Variants in CACNB3 observed in about 807,000 individuals in gnomAD.
The protein encoded by CACNB3 is calcium voltage-gated channel auxiliary subunit beta 3.
A neutral mutation model predicts 63.7 loss-of-function variants in CACNB3; 36 were observed. The ratio of observed to expected loss-of-function variants is 0.57; its 90% confidence interval spans 0.43 to 0.75. CACNB3 has a LOEUF of 0.75. Ranked by LOEUF, CACNB3 falls within the 30% of genes least tolerant of loss-of-function variation. The pLI is 0.00. For missense variants in CACNB3, 493 were observed against 648.6 expected, an observed-to-expected ratio of 0.76 and a Z score of 2.61; for synonymous variants, 241 against 250.6, an observed-to-expected ratio of 0.96 and a Z score of 0.36.
chr12:48,826,713 CAG>C lies in CACNB3; in HGVS notation c.895-43_895-42del, dbSNP rs763104626. The C allele has an allele frequency of 5.2e-6, 8 of 1,528,604 alleles. No homozygotes were observed. The Admixed American group carries it at 1.0e-4, about 19-fold the overall frequency. The allele number at this position is 1,528,604 out of a possible 1,614,324, so 94.7% of individuals were successfully genotyped here. A position where few individuals can be genotyped will look rare whatever the true frequency, so the allele number is the denominator to read the frequency against. ...AGCTCTGCCCGGGCTCAGCTCTGCC[CAG>C]AGTCCTGAGAGACTCCAGGCCTAGC... On this transcript the variant is annotated intron_variant, in intron 10 of 12. Coordinates refer to ENST00000301050, the MANE Select transcript of CACNB3 (RefSeq NM_000725.4). The surrounding 1 kb of genome is among the most constrained non-coding windows in gnomAD (Gnocchi z 4.8).
At chr12:48,827,196 T>A in intron 12 of CACNB3, 73 bp downstream of exon 12, 1 of 1,550,022 alleles carries the variant, frequency 6.5e-7, no homozygotes, top group East Asian at 2.2e-5. Context: ...CCCAGAGGAC[T>A]GTCCTTGGCC....
Position 48,824,804 on chromosome 12 carries a change from C to T in CACNB3, c.472+71C>T, listed in dbSNP as rs1380569673. The T allele has an allele frequency of 1.9e-6, 3 of 1,554,152 alleles. No homozygotes were observed. The South Asian group carries it at 3.3e-5, about 17-fold the overall frequency. ...GACACAGGGAAAGAGGGGATCCTGCCCAAGTGAACTGTGTGGGAAGGGTTT... is the reference window on the plus strand; with the variant it reads ...GACACAGGGAAAGAGGGGATCCTGCTCAAGTGAACTGTGTGGGAAGGGTTT... On this transcript the variant is annotated intron_variant, in intron 5 of 12. Transcript: ENST00000301050.
At position 48,818,985 on chromosome 12, in the gene CACNB3, A is replaced by C; in HGVS notation, c.45+11A>C. 6.2e-7 allele frequency: 1 copy of C among 1,600,088 alleles called. No homozygotes were observed. The highest frequency in any genetic ancestry group is 2.3e-5 in the East Asian group (1 of 44,026). On this transcript the variant is annotated intron_variant, in intron 1 of 12. Transcript: ENST00000301050. The surrounding 1 kb of genome is among the most constrained non-coding windows in gnomAD (Gnocchi z 4.3). ...GAGGACTCGGAGGCGGTGAGTGCCC[A>C]CGATGAGGGTGGGGGCGGGGAAGTT...
At position 48,818,826 on chromosome 12, in the gene CACNB3, G is replaced by T. The variant is rs915856526; in HGVS notation, c.-104G>T. 11 of 1,396,036 alleles carry T rather than the reference G, an allele frequency of 7.9e-6. No homozygotes were observed. The highest frequency in any genetic ancestry group is 3.1e-5 in the African/African-American group (2 of 65,032). The allele number at this position is 1,396,036 out of a possible 1,614,324, so 86.5% of individuals were successfully genotyped here. On this transcript the variant is annotated 5_prime_UTR_variant, in exon 1 of 13. Coordinates refer to ENST00000301050, the MANE Select transcript of CACNB3 (RefSeq NM_000725.4). The surrounding 1 kb of genome is among the most constrained non-coding windows in gnomAD (Gnocchi z 4.3). ...GCTCCCTGCCGCCGCCCGCAGGGCT[G>T]CGGGGCTCGGTGGCATCTCCCGGGC... is the stretch of plus-strand genomic sequence containing the variant.
In CACNB3 at chr12:48,818,796, C is replaced by T. The variant is rs1478867164; in HGVS notation, c.-134C>T. ...CGCGGCTCGCTCCCTCCTTCGCGCT[C>T]TCTCGCTCCCTGCCGCCGCCCGCAG... On this transcript the variant is annotated 5_prime_UTR_variant, in exon 1 of 13. Transcript: ENST00000301050. This position sits in a 1 kb window ranked among gnomAD's most constrained non-coding sequence, Gnocchi z 4.3. 6 of 1,364,528 alleles carry T rather than the reference C, an allele frequency of 4.4e-6. No homozygotes were observed. The highest frequency in any genetic ancestry group is 3.1e-5 in the East Asian group (1 of 32,252). The allele number at this position is 1,364,528 out of a possible 1,614,324, so 84.5% of individuals were successfully genotyped here.
chr12:48,824,563 T>C (rs1288247303), intron 4 of CACNB3, 106 bp from the exon 5 acceptor site: 1 of 1,208,698 alleles, frequency 8.3e-7, no homozygotes, highest in African/African-American at 1.5e-5. Flanking sequence ...CCTGTCTCAC[T>C]AGATAAAGCA....
chr12:48,815,283 T>G, upstream of CACNB3: 1 of 262,090 alleles, frequency 3.8e-6, no homozygotes, highest in Non-Finnish European at 7.6e-6. Flanking sequence ...AACTCCAGAG[T>G]CCCTACTCTT....
upstream of CACNB3, chr12:48,815,579 G>A: frequency 6.6e-7 from 1 of 1,524,682 alleles, no homozygotes. Flanking sequence ...CGGGCGTGGG[G>A]CGAGGCCAGG....
In CACNB3 at chr12:48,823,002, C is replaced by A. The variant is rs186253124; in HGVS notation, c.46-342C>A. Among the ~76,000 whole-genome samples, 1 of 152,192 alleles carries A rather than the reference C, an allele frequency of 6.6e-6. No individual in the cohort carries two copies. Among genetic ancestry groups the A allele is most frequent in the Non-Finnish European group, 1.5e-5 (1 of 68,036 alleles). ...CCTGGATCCAGAATCATCTCTAATA[C>A]ATCATCTTCAGCACACCTCCCTTCC... On this transcript the variant is annotated intron_variant, in intron 1 of 12. Coordinates refer to ENST00000301050, the MANE Select transcript of CACNB3 (RefSeq NM_000725.4). This position sits in a 1 kb window ranked among gnomAD's most constrained non-coding sequence, Gnocchi z 4.2.
chr12:48,818,426 T>A (rs1005939248), upstream of CACNB3: 4 of 986,042 alleles, frequency 4.1e-6, no homozygotes, highest in Non-Finnish European at 4.8e-6. The surrounding 1 kb of genome is among the most constrained non-coding windows in gnomAD (Gnocchi z 4.3). Context: ...TTGCCGAGCG[T>A]CTCTGTCTCC....
Position 48,827,865 on chromosome 12 carries a change from A to G in CACNB3, c.1421A>G (p.Gln474Arg), listed in dbSNP as rs752695901. The G allele has an allele frequency of 4.0e-5, 65 of 1,613,880 alleles. No homozygotes were observed. The highest frequency in any genetic ancestry group is 5.3e-5 in the Non-Finnish European group (63 of 1,179,964). Residue 474 changes from glutamine (Q) to arginine (R), a missense_variant, in exon 13 of 13, where the codon CAG (glutamine) becomes CGG (arginine). Gln to Arg is a conservative substitution (Grantham distance 43). Transcript: ENST00000301050. ...CACAACCACAGTGACCGGAACTGGCAGCGCAACCGGCCTTGGCCCAAGGAT... is the reference window on the plus strand; with the variant it reads ...CACAACCACAGTGACCGGAACTGGCGGCGCAACCGGCCTTGGCCCAAGGAT... ...SEHNHSDRNW[Q>R]RNRPWPKDSY is the part of the protein sequence containing the mutation.
intron 1 of CACNB3, among the ~76,000 whole-genome samples, chr12:48,819,443 G>T (rs183459186): frequency 6.6e-6 from 1 of 152,314 alleles, no homozygotes; most frequent in African/African-American, 2.4e-5. Context: ...GGACATCAGG[G>T]AGCCAGGGGC....
Position 48,827,853 on chromosome 12 carries a change from A to G in CACNB3, c.1409A>G (p.Asp470Gly). The G allele has an allele frequency of 6.2e-7, 1 of 1,614,106 alleles. No individual in the cohort carries two copies. ...CAGGACTCAGAGCACAACCACAGTG[A>G]CCGGAACTGGCAGCGCAACCGGCCT... The part of the protein sequence containing the change: ...LAQDSEHNHS[D>G]RNWQRNRPWP... The change falls in exon 13 of 13, where the codon GAC becomes GGC. Residue 470 changes from aspartate (D) to glycine (G), a missense_variant. Coordinates refer to ENST00000301050, the MANE Select transcript of CACNB3 (RefSeq NM_000725.4).
In CACNB3 at chr12:48,823,886, C is replaced by G. The variant is rs1362472771; in HGVS notation, c.291+83C>G. 6.4e-7 allele frequency: 1 copy of G among 1,564,144 alleles called. No individual in the cohort carries two copies. Among genetic ancestry groups the G allele is most frequent in the Non-Finnish European group, 8.7e-7 (1 of 1,143,338 alleles). Reference sequence around the variant, plus strand: ...GATCCTAATGCTTCTGACTTGAATCCTCAGTCTAATTCCCCAAGCTAATCA... The same window carrying G: ...GATCCTAATGCTTCTGACTTGAATCGTCAGTCTAATTCCCCAAGCTAATCA... On this transcript the variant is annotated intron_variant, in intron 3 of 12. Transcript: ENST00000301050. The surrounding 1 kb of genome is among the most constrained non-coding windows in gnomAD (Gnocchi z 4.2).
upstream of CACNB3, among the ~76,000 whole-genome samples, chr12:48,815,890 G>T (rs1245830022): frequency 1.3e-5 from 2 of 152,302 alleles, no homozygotes; most frequent in Non-Finnish European, 2.9e-5. Flanking sequence ...AAGAGGCACC[G>T]GGTTAGAGAG....
At chr12:48,821,880 A>G (rs1937867451) in intron 1 of CACNB3, among the ~76,000 whole-genome samples, 1 of 152,184 alleles carries the variant, frequency 6.6e-6, no homozygotes. Flanking sequence ...TGCTATCTTC[A>G]GGCCTTTGGT....
rs11168751 is a variant in CACNB3 at position 48,825,355 on chromosome 12, C to G, written c.574-79C>G. On this transcript the variant is annotated intron_variant, in intron 7 of 12. Transcript: ENST00000301050. This position sits in a 1 kb window ranked among gnomAD's most constrained non-coding sequence, Gnocchi z 4.5. ...CTCCGTCCAGGGTGTGTATGTGGAGCGCATTGACTCTGGGGCCATGCATGG... is the reference window on the plus strand; with the variant it reads ...CTCCGTCCAGGGTGTGTATGTGGAGGGCATTGACTCTGGGGCCATGCATGG... The G allele has an allele frequency of 0.18, 281,099 of 1,561,444 alleles. 27,449 individuals carry two copies. The highest frequency in any genetic ancestry group is 0.33 in the African/African-American group (23,990 of 73,794).
chr12:48,827,612 G>A lies in CACNB3; in HGVS notation c.1168G>A (p.Glu390Lys), dbSNP rs557374085. ...CCAGCAGCTGCTGGGGGAGCGTGGC[G>A]AGGAGCACTCCCCCCTTGAGCGGGA... The part of the protein sequence containing the change: ...QNQQLLGERG[E>K]EHSPLERDSL... Residue 390 changes from glutamate (E) to lysine (K), a missense_variant, in exon 13 of 13, where the codon GAG (glutamate) becomes AAG (lysine). Coordinates refer to ENST00000301050, the MANE Select transcript of CACNB3 (RefSeq NM_000725.4). The A allele has an allele frequency of 3.3e-4, 532 of 1,613,226 alleles. 6 individuals are homozygous for A. In the South Asian group the frequency reaches 5.3e-3, roughly 16 times the overall value.
chr12:48,823,478 G>A lies in CACNB3; in HGVS notation c.168+12G>A. On this transcript the variant is annotated intron_variant, in intron 2 of 12. Transcript: ENST00000301050. This position sits in a 1 kb window ranked among gnomAD's most constrained non-coding sequence, Gnocchi z 4.2. The stretch of plus-strand genomic sequence containing the variant: ...TCGAAAGGGCCAAGGTATACTTTCT[G>A]GGCATGGGGCAAGACAGGAGGCCAA... 6.2e-6 allele frequency: 10 copies of A among 1,612,998 alleles called. No individual in the cohort carries two copies. Among genetic ancestry groups the A allele is most frequent in the Non-Finnish European group, 8.5e-6 (10 of 1,179,488 alleles).
Sources: gnomAD v4.1 joint callset for allele counts (sites outside exome capture counted in the v4.1 genomes callset) on GRCh38, gnomAD v4.1.1 for gene constraint, Gnocchi (gnomAD v3.1) non-coding constraint, MANE v1.5 for transcripts, NCBI Gene and HGNC (gene_info 2026-07-23, HGNC 2026-07-21) for gene names.